NSD1: variants seen among roughly 807,000 people sequenced by gnomAD.
NSD1 encodes histone-lysine N-methyltransferase, H3 lysine-36 specific.
NSD1 carries 26 observed loss-of-function variants against 242.7 expected under a neutral mutation model. The ratio of observed to expected loss-of-function variants is 0.11; its 90% CI spans 0.08 to 0.15. The LOEUF (loss-of-function observed/expected upper bound fraction) is 0.15, where lower values mean the gene tolerates loss of function less well. Among genes scored for constraint, NSD1 ranks in the 10% least tolerant of loss-of-function variants. NSD1 has a pLI of 1.00. For synonymous variants in NSD1, 1,106 were observed against 1,178.1 expected, an observed-to-expected ratio of 0.94 and a Z score of 1.25; for missense variants, 2,495 against 3,272.8, an observed-to-expected ratio of 0.76 and a Z score of 5.80.
At position 177,135,199 on chromosome 5, in the gene NSD1, C is replaced by T. The variant is rs1474688900; in HGVS notation, c.96C>T (p.Phe32=). The T allele has an allele frequency of 6.2e-7, 1 of 1,613,636 alleles. No individual in the cohort carries two copies. Among genetic ancestry groups the T allele is most frequent in the Non-Finnish European group, 8.5e-7 (1 of 1,179,582 alleles). ...CCCCTGAAGACAAGGACAGCCCTTT[C>T]GGTAATGGTCAATCCAATTTTTCTG... ...LDAPEDKDSP[F]GNGQSNFSEP... The change falls in exon 2 of 23, where the codon TTC becomes TTT. Residue 32 remains phenylalanine, a synonymous_variant. Transcript: ENST00000439151.
At chr5:177,220,434 T>A (rs963587383) in intron 5 of NSD1, among the ~76,000 whole-genome samples, 4 of 152,140 alleles carry the variant, frequency 2.6e-5, no homozygotes, top group African/African-American at 4.8e-5. Context: ...TGAAGTGAGA[T>A]TTAAGGCTCA....
At chr5:177,154,456 AT>A (rs1411825458) in intron 2 of NSD1, among the ~76,000 whole-genome samples, 2 of 152,116 alleles carry the variant, frequency 1.3e-5, no homozygotes, top group African/African-American at 4.8e-5. Context: ...TGACCCAATC[AT>A]TTTTCAGATT....
At chr5:177,256,502 C>T (rs535013260) in intron 12 of NSD1, among the ~76,000 whole-genome samples, 5 of 152,262 alleles carry the variant, frequency 3.3e-5, no homozygotes, top group Non-Finnish European at 7.3e-5. Context: ...GGGCTGGCCT[C>T]GACTTCCTGG....
intron 17 of NSD1, among the ~76,000 whole-genome samples, chr5:177,279,456 C>T (rs1030383957): frequency 2.6e-5 from 4 of 152,036 alleles, no homozygotes; most frequent in African/African-American, 9.7e-5. Flanking sequence ...CAAGATCCCG[C>T]CACTGCACTG....
intron 20 of NSD1, among the ~76,000 whole-genome samples, chr5:177,286,591 C>T (rs1759347499): frequency 6.6e-6 from 1 of 152,168 alleles, no homozygotes; most frequent in Non-Finnish European, 1.5e-5. Flanking sequence ...TACTTTTATC[C>T]TTGGATGTCA....
intron 14 of NSD1, among the ~76,000 whole-genome samples, 180 bp from the exon 15 acceptor site, chr5:177,267,382 A>G (rs1206231634): frequency 6.6e-6 from 1 of 152,170 alleles, no homozygotes; most frequent in Non-Finnish European, 1.5e-5. Flanking sequence ...CCTGAACCTG[A>G]CGAGAGTTAA....
intron 2 of NSD1, among the ~76,000 whole-genome samples, chr5:177,164,427 G>A (rs952353821): frequency 3.3e-5 from 5 of 152,006 alleles, no homozygotes; most frequent in African/African-American, 1.2e-4. Context: ...AAAGTGCTGG[G>A]ATCACAGGTG....
At chr5:177,282,420 A>T (rs2127260186) in intron 18 of NSD1, 45 bp from the exon 19 acceptor site, 1 of 1,146,342 alleles carries the variant, frequency 8.7e-7, no homozygotes, top group Non-Finnish European at 1.3e-6. Context: ...TTTGGATACC[A>T]GTGTCCTTTT....
At position 177,292,399 on chromosome 5, in the gene NSD1, T is replaced by G. The variant is rs532011578; in HGVS notation, c.6463+241T>G. On this transcript the variant is annotated intron_variant, in intron 22 of 22. Transcript: ENST00000439151. ...GGTCCTTTACTTACAGTCATGTTTA[T>G]TTCATTCCCCCAGCAGCCCATAATG... is the stretch of plus-strand genomic sequence containing the variant. Among the ~76,000 whole-genome samples, 18 of 152,364 alleles carry G rather than the reference T, an allele frequency of 1.2e-4. No homozygotes were observed. The East Asian group carries it at 2.5e-3, about 21-fold the overall frequency.
intron 2 of NSD1, among the ~76,000 whole-genome samples, chr5:177,144,552 A>G (rs1282117180): frequency 1.3e-5 from 2 of 152,126 alleles, no homozygotes; most frequent in African/African-American, 2.4e-5. Context: ...TCTGTATTCC[A>G]ACTGTTAAGT....
upstream of NSD1, among the ~76,000 whole-genome samples, chr5:177,132,105 C>G (rs1002301435): frequency 6.6e-6 from 1 of 152,198 alleles, no homozygotes; most frequent in African/African-American, 2.4e-5. The surrounding 1 kb of genome is among the most constrained non-coding windows in gnomAD (Gnocchi z 7.5). Context: ...GTGCTGCGGG[C>G]CCGGTGCAGG....
chr5:177,202,360 T>G (rs1762576378), intron 3 of NSD1, among the ~76,000 whole-genome samples: 1 of 152,142 alleles, frequency 6.6e-6, no homozygotes, highest in Admixed American at 6.5e-5. Flanking sequence ...TCAGAAGTTC[T>G]TGATCTGTTA....
intron 2 of NSD1, among the ~76,000 whole-genome samples, chr5:177,182,294 G>A (rs1760756582): frequency 6.6e-6 from 1 of 152,132 alleles, no homozygotes; most frequent in Non-Finnish European, 1.5e-5. Context: ...TCCAGCTTGG[G>A]CAACAGTTGA....
intron 14 of NSD1, chr5:177,265,645 C>T: frequency 3.7e-6 from 6 of 1,605,340 alleles, no homozygotes; most frequent in Admixed American, 1.7e-5. Context: ...TGGTGAAGTC[C>T]CGGTCCCAGT....
rs28932180 is a variant in NSD1, at chr5:177,211,614, G to C, written c.3215G>C (p.Arg1072Pro). The C allele has an allele frequency of 6.2e-7, 1 of 1,614,090 alleles. No individual in the cohort carries two copies. The highest frequency in any genetic ancestry group is 1.1e-5 in the South Asian group (1 of 91,062). ...VTLDAVLQGD[R>P]ERGGSLRGGA... ...CTTGATGCTGTACTGCAGGGAGACC[G>C]AGAACGTGGAGGTTCATTGAGAGGT... The change falls in exon 5 of 23, where the codon CGA (arginine) becomes CCA (proline). Residue 1072 changes from arginine (R) to proline (P), a missense_variant. By Grantham distance (103) the Arg-to-Pro change is moderately radical. This residue lies in a region of NSD1 where 426 missense variants were observed against 411.4 expected (regional missense o/e 1.04). Transcript: ENST00000439151.
chr5:177,266,149 C>T (rs1392491877), intron 14 of NSD1: 6 of 1,094,838 alleles, frequency 5.5e-6, no homozygotes, highest in East Asian at 2.4e-5. Flanking sequence ...GCCACTTGTC[C>T]GGGCATAGAG....
At chr5:177,166,743 CTT>C (rs967834304) in intron 2 of NSD1, among the ~76,000 whole-genome samples, 12 of 133,374 alleles carry the variant, frequency 9.0e-5, no homozygotes, top group Admixed American at 1.5e-4. Flanking sequence ...TTTTGAGTTA[CTT>C]TTTTTTTTTT....
chr5:177,246,733 A>G lies in NSD1; in HGVS notation c.4434A>G (p.Ala1478=). 1 of 1,614,212 alleles carries G rather than the reference A, an allele frequency of 6.2e-7. No homozygotes were observed. Among genetic ancestry groups the G allele is most frequent in the Non-Finnish European group, 8.5e-7 (1 of 1,180,026 alleles). Residue 1478 remains alanine (A), a synonymous_variant, in exon 10 of 23, where the codon GCA becomes GCG. Coordinates refer to ENST00000439151, the MANE Select transcript of NSD1 (RefSeq NM_022455.5). ...AGCGAAAACGACAGAGGCATGCTGCAGCCAAGATGCAGTGTAAAAAAGTGA... is the reference window on the plus strand; with the variant it reads ...AGCGAAAACGACAGAGGCATGCTGCGGCCAAGATGCAGTGTAAAAAAGTGA... The part of the protein sequence containing the change: ...PRKRKRQRHA[A]AKMQCKKVKN...
At chr5:177,288,006 C>T (rs1759471728) in intron 20 of NSD1, among the ~76,000 whole-genome samples, 2 of 152,180 alleles carry the variant, frequency 1.3e-5, no homozygotes, top group South Asian at 4.2e-4. Flanking sequence ...TGATGGTTAC[C>T]TTATACATTA....
Sources: gnomAD v4.1 joint callset for allele counts (sites outside exome capture counted in the v4.1 genomes callset) on GRCh38, gnomAD v4.1.1 for gene constraint, gnomAD v4.1.1 regional missense constraint, Gnocchi (gnomAD v3.1) non-coding constraint, MANE v1.5 for transcripts, NCBI Gene and HGNC (gene_info 2026-07-23, HGNC 2026-07-21) for gene names.